Variants in SPOP observed in about 807,000 individuals in gnomAD.
The protein encoded by SPOP is speckle-type POZ protein.
In SPOP, 11 loss-of-function variants were observed where a neutral mutation model predicts 45.6. That is an observed-to-expected ratio of 0.24 (90% CI 0.15 to 0.40). The LOEUF (loss-of-function observed/expected upper bound fraction) is 0.40, where lower values mean the gene tolerates loss of function less well. Ranked by LOEUF, SPOP falls within the 10% of genes least tolerant of loss-of-function variation. SPOP has a pLI of 1.00. For synonymous variants in SPOP, 166 were observed against 166.3 expected, an observed-to-expected ratio of 1.00 and a Z score of 0.01; for missense variants, 152 against 465.6, an observed-to-expected ratio of 0.33 and a Z score of 6.20.
At chr17:49,655,307 C>T (rs900645167) in intron 1 of SPOP, among the ~76,000 whole-genome samples, 2 of 152,056 alleles carry the variant, frequency 1.3e-5, no homozygotes, top group Admixed American at 6.5e-5. Flanking sequence ...GTCAGGAGAT[C>T]GAGACCATCC....
In SPOP at chr17:49,610,438, C is replaced by T. The variant is rs533835917; in HGVS notation, c.658+842G>A. On this transcript the variant is annotated intron_variant, in intron 6 of 9. Coordinates refer to ENST00000504102, the MANE Select transcript of SPOP (RefSeq NM_001007228.2). The stretch of plus-strand genomic sequence containing the variant: ...TTCACCATGTTGACCAGGCTGGTCT[C>T]GAACTCCTGACTTCAGGTGATCCAC... Among the ~76,000 whole-genome samples the T allele has an allele frequency of 7.9e-5, 12 of 152,228 alleles. No homozygotes were observed. The South Asian group carries it at 2.3e-3, about 29-fold the overall frequency.
intron 1 of SPOP, among the ~76,000 whole-genome samples, chr17:49,629,383 G>A (rs1475623499): frequency 3.3e-5 from 5 of 151,996 alleles, no homozygotes; most frequent in Non-Finnish European, 7.4e-5. Context: ...AATGTAATGA[G>A]AATAATTAAT....
intron 1 of SPOP, among the ~76,000 whole-genome samples, chr17:49,670,730 T>C (rs2073125337): frequency 6.6e-6 from 1 of 152,176 alleles, no homozygotes; most frequent in Non-Finnish European, 1.5e-5. Flanking sequence ...CTACAGTACA[T>C]GACAGAAAGC....
rs1457246066 is a variant in SPOP, at chr17:49,619,453, CAA to C, written c.201-70_201-69del. ...TTTTGATAGAACTGGAAATCAGACT[CAA>C]GAGAGGGAGATGTTTAAAAAACAAA... is the stretch of plus-strand genomic sequence containing the variant. On this transcript the variant is annotated intron_variant, in intron 3 of 9. Coordinates refer to ENST00000504102, the MANE Select transcript of SPOP (RefSeq NM_001007228.2). This position sits in a 1 kb window ranked among gnomAD's most constrained non-coding sequence, Gnocchi z 4.9. 141 of 1,515,024 alleles carry C rather than the reference CAA, an allele frequency of 9.3e-5. No homozygotes were observed. In the East Asian group the frequency reaches 3.2e-3, roughly 35 times the overall value. 93.8% of individuals were successfully genotyped at this position (1,515,024 alleles called of 1,614,324 possible).
chr17:49,625,980 T>C (rs146572788), intron 1 of SPOP, among the ~76,000 whole-genome samples: 3 of 152,232 alleles, frequency 2.0e-5, no homozygotes, highest in African/African-American at 4.8e-5. Context: ...TAAACTACTT[T>C]TTGTAGTGTT....
At position 49,600,826 on chromosome 17, in the gene SPOP, T is replaced by C. The variant is rs1352293877; in HGVS notation, c.981-304A>G. On this transcript the variant is annotated intron_variant, in intron 9 of 9. Transcript: ENST00000504102. This position sits in a 1 kb window ranked among gnomAD's most constrained non-coding sequence, Gnocchi z 4.2. Reference sequence around the variant, plus strand: ...TTATATTCACCGGTGATGCTAGTCATAAAAAGGAGCATGGGCTCCCTCGGC... The same window carrying C: ...TTATATTCACCGGTGATGCTAGTCACAAAAAGGAGCATGGGCTCCCTCGGC... The C allele has an allele frequency of 1.1e-5, 3 of 282,082 alleles. No homozygotes were observed. The highest frequency in any genetic ancestry group is 2.1e-5 in the Non-Finnish European group (3 of 145,730). 17.5% of individuals were successfully genotyped at this position (282,082 alleles called of 1,614,324 possible).
At chr17:49,609,204 C>T (rs1401060804) in intron 6 of SPOP, among the ~76,000 whole-genome samples, 2 of 152,106 alleles carry the variant, frequency 1.3e-5, no homozygotes, top group East Asian at 1.9e-4. Flanking sequence ...CCACTGCACC[C>T]GGCCTAGCTC....
intron 1 of SPOP, among the ~76,000 whole-genome samples, chr17:49,667,397 C>T (rs926001912): frequency 4.0e-5 from 6 of 151,312 alleles, no homozygotes; most frequent in Non-Finnish European, 7.4e-5. Context: ...CGAGACCAGC[C>T]CGGTCAACAT....
At chr17:49,643,145 G>T (rs961072913) in intron 1 of SPOP, among the ~76,000 whole-genome samples, 2 of 152,224 alleles carry the variant, frequency 1.3e-5, no homozygotes, top group Admixed American at 1.3e-4. Context: ...ATATATTCAT[G>T]AGACAGGTGG....
At chr17:49,642,391 A>T (rs1162175850) in intron 1 of SPOP, among the ~76,000 whole-genome samples, 6 of 151,878 alleles carry the variant, frequency 4.0e-5, no homozygotes, top group African/African-American at 1.5e-4. Flanking sequence ...CTACCAAAAA[A>T]TACAAAAATT....
At chr17:49,638,908 G>A (rs951202408) in intron 1 of SPOP, among the ~76,000 whole-genome samples, 1 of 152,226 alleles carries the variant, frequency 6.6e-6, no homozygotes, top group African/African-American at 2.4e-5. Flanking sequence ...AGCTACTTGG[G>A]AGGCTGAGAC....
At chr17:49,603,346 C>A (rs1046039975) in intron 8 of SPOP, among the ~76,000 whole-genome samples, 4 of 152,228 alleles carry the variant, frequency 2.6e-5, no homozygotes, top group African/African-American at 9.6e-5. Context: ...GCTGCCCAGA[C>A]GATTCCTCTT....
At chr17:49,675,352 G>A (rs949797468) in intron 1 of SPOP, among the ~76,000 whole-genome samples, 3 of 152,218 alleles carry the variant, frequency 2.0e-5, no homozygotes, top group Non-Finnish European at 4.4e-5. Context: ...AGTGAGAAAA[G>A]CAAAGTGCAG....
intron 1 of SPOP, among the ~76,000 whole-genome samples, chr17:49,645,306 C>CTT (rs889337576): frequency 6.8e-6 from 1 of 146,440 alleles, no homozygotes; most frequent in African/African-American, 2.5e-5. Context: ...TTCTTTCCTT[C>CTT]TTTTTTTTTT....
intron 1 of SPOP, among the ~76,000 whole-genome samples, chr17:49,632,509 CCAGA>C (rs1228709058): frequency 6.8e-6 from 1 of 146,480 alleles, no homozygotes; most frequent in Non-Finnish European, 1.5e-5. Flanking sequence ...TTTTTTTTTT[CCAGA>C]CAGAGTTTCA....
At chr17:49,648,530 G>T (rs924897234) in intron 1 of SPOP, among the ~76,000 whole-genome samples, 2 of 152,144 alleles carry the variant, frequency 1.3e-5, no homozygotes, top group African/African-American at 4.8e-5. Flanking sequence ...ATAGCCAAAA[G>T]TAGTAGCTCT....
intron 1 of SPOP, among the ~76,000 whole-genome samples, chr17:49,624,612 G>A (rs985921500): frequency 2.4e-4 from 37 of 151,940 alleles, no homozygotes; most frequent in African/African-American, 8.2e-4. Context: ...AGGACTACAG[G>A]CGTGCACCAC....
At chr17:49,628,231 C>A (rs2143346804) in intron 1 of SPOP, among the ~76,000 whole-genome samples, 1 of 152,332 alleles carries the variant, frequency 6.6e-6, no homozygotes, top group South Asian at 2.1e-4. Flanking sequence ...TACGCTCAAA[C>A]TCTGAGGCTG....
rs751355557 is a variant in SPOP, at chr17:49,622,891, G to C, written c.-66-15C>G. 4 of 1,163,446 alleles carry C rather than the reference G, an allele frequency of 3.4e-6. No homozygotes were observed. Among genetic ancestry groups the C allele is most frequent in the Non-Finnish European group, 3.9e-6 (3 of 774,012 alleles). The allele number at this position is 1,163,446 out of a possible 1,614,324, so 72.1% of individuals were successfully genotyped here. A position where few individuals can be genotyped will look rare whatever the true frequency, so the allele number is the denominator to read the frequency against. ...CCCTCTTCACCCTGGTCAGATCCAA[G>C]AAGCAAGAAAACTTTATTAGATTAT... On this transcript the variant is annotated splice_polypyrimidine_tract_variant and intron_variant, in intron 1 of 9. Transcript: ENST00000504102.
Sources: gnomAD v4.1 joint callset for allele counts (sites outside exome capture counted in the v4.1 genomes callset) on GRCh38, gnomAD v4.1.1 for gene constraint, Gnocchi (gnomAD v3.1) non-coding constraint, MANE v1.5 for transcripts, NCBI Gene and HGNC (gene_info 2026-07-23, HGNC 2026-07-21) for gene names.